NRXN3: variants seen among roughly 807,000 people sequenced by gnomAD.
The protein encoded by NRXN3 is neurexin III.
NRXN3 carries 32 observed loss-of-function variants against 137.6 expected under a neutral mutation model. The observed-to-expected ratio is 0.23, with a 90% CI of 0.18 to 0.31. NRXN3 has a LOEUF of 0.31. NRXN3 is among the 10% of genes least tolerant of loss of function. The pLI is 1.00. For missense variants in NRXN3, 1,574 were observed against 2,062.5 expected, an observed-to-expected ratio of 0.76 and a Z score of 4.59; for synonymous variants, 798 against 784.5, an observed-to-expected ratio of 1.02 and a Z score of -0.29.
At chr14:78,651,477 A>G (rs1410156790) in intron 6 of NRXN3, 151 bp downstream of exon 6, 4 of 907,978 alleles carry the variant, frequency 4.4e-6, no homozygotes, top group Non-Finnish European at 6.6e-6. Context: ...TAGGTGTCCT[A>G]CGTTTTCATT....
chr14:79,688,722 A>G (rs1302843392), intron 17 of NRXN3, among the ~76,000 whole-genome samples: 1 of 152,178 alleles, frequency 6.6e-6, no homozygotes, highest in South Asian at 2.1e-4. Flanking sequence ...TTTCACCTCA[A>G]AGTATTCTGT....
rs74831370 is a variant in NRXN3 at position 79,413,466 on chromosome 14, A to G, written c.3263-53755A>G. On this transcript the variant is annotated intron_variant, in intron 15 of 20. Coordinates refer to ENST00000335750, the MANE Select transcript of NRXN3 (RefSeq NM_001330195.2). The stretch of plus-strand genomic sequence containing the variant: ...TTGGATTCACTGTTGCTTCATACCA[A>G]TGTTGGTGCTGTAAATGTACATGAT... 5.0e-3 allele frequency among the ~76,000 whole-genome samples: 768 copies of G among 152,092 alleles called. 9 individuals carry two copies. The highest frequency in any genetic ancestry group is 0.016 in the African/African-American group (684 of 41,494).
chr14:78,432,970 T>G (rs768946114), intron 4 of NRXN3, among the ~76,000 whole-genome samples: 14 of 152,196 alleles, frequency 9.2e-5, no homozygotes, highest in Non-Finnish European at 1.6e-4. Flanking sequence ...TCAAACTTAG[T>G]GGCTTAAAAC....
intron 15 of NRXN3, among the ~76,000 whole-genome samples, chr14:79,192,801 C>T (rs1203745937): frequency 3.2e-5 from 4 of 126,110 alleles, no homozygotes; most frequent in African/African-American, 8.8e-5. Context: ...GACAGAGTCT[C>T]GCTCTGTCAC....
chr14:78,624,553 C>T (rs1335335672), intron 4 of NRXN3, among the ~76,000 whole-genome samples: 4 of 152,188 alleles, frequency 2.6e-5, no homozygotes, highest in African/African-American at 7.2e-5. Context: ...GGAACATGCT[C>T]CCCTCTGCCA....
At position 78,932,373 on chromosome 14, in the gene NRXN3, G is replaced by A. The variant is rs139560357; in HGVS notation, c.2276-24869G>A. 2.2e-3 allele frequency among the ~76,000 whole-genome samples: 332 copies of A among 152,220 alleles called. 2 individuals are homozygous for A. The highest frequency in any genetic ancestry group is 7.5e-3 in the African/African-American group (312 of 41,540). On this transcript the variant is annotated intron_variant, in intron 10 of 20. Transcript: ENST00000335750. Reference sequence around the variant, plus strand: ...ACTGAGTAAGGAAATAATAGTTTATGGCCTTATATTTTAGTTAGTTTGAGT... The same window carrying A: ...ACTGAGTAAGGAAATAATAGTTTATAGCCTTATATTTTAGTTAGTTTGAGT...
At chr14:79,373,677 G>A (rs2094177870) in intron 15 of NRXN3, among the ~76,000 whole-genome samples, 1 of 152,112 alleles carries the variant, frequency 6.6e-6, no homozygotes, top group Non-Finnish European at 1.5e-5. Flanking sequence ...GGTAATGGAA[G>A]GTTGGAATAA....
chr14:78,419,077 C>A (rs2093307531), intron 4 of NRXN3, among the ~76,000 whole-genome samples: 1 of 152,180 alleles, frequency 6.6e-6, no homozygotes, highest in Non-Finnish European at 1.5e-5. Context: ...CCCTCAGCAC[C>A]ATCTTTGGGG....
At chr14:79,249,942 T>C (rs556398080) in intron 15 of NRXN3, among the ~76,000 whole-genome samples, 1 of 152,338 alleles carries the variant, frequency 6.6e-6, no homozygotes, top group African/African-American at 2.4e-5. Flanking sequence ...ATACCTGTAT[T>C]ATTAATGTTC....
At chr14:78,447,534 A>G (rs1227384166) in intron 4 of NRXN3, among the ~76,000 whole-genome samples, 2 of 152,196 alleles carry the variant, frequency 1.3e-5, no homozygotes, top group Non-Finnish European at 2.9e-5. Context: ...ATGACCAGTG[A>G]GGGGCCAGCC....
chr14:78,959,187 G>C (rs118130484), intron 11 of NRXN3, among the ~76,000 whole-genome samples: 2,712 of 152,256 alleles, frequency 0.018, 42 homozygotes, highest in Middle Eastern at 0.058. Context: ...TGTGGATTAA[G>C]GAAGAGCGTC....
chr14:78,655,740 G>C (rs559715778), intron 6 of NRXN3, among the ~76,000 whole-genome samples: 5 of 152,232 alleles, frequency 3.3e-5, no homozygotes, highest in Admixed American at 6.5e-5. Context: ...GTGGAGTTTA[G>C]ATGAGCAATG....
intron 17 of NRXN3, among the ~76,000 whole-genome samples, chr14:79,664,493 C>T (rs1603390060): frequency 6.6e-6 from 1 of 152,092 alleles, no homozygotes; most frequent in African/African-American, 2.4e-5. Context: ...TCTCACTTAC[C>T]CTAAGCCTGC....
chr14:79,823,882 G>A, intron 20 of NRXN3: 1 of 450,106 alleles, frequency 2.2e-6, no homozygotes, highest in Non-Finnish European at 4.5e-6. Flanking sequence ...GTTCCATAAG[G>A]TCAGTTCTGT....
At chr14:78,414,363 T>G (rs924804280) in intron 4 of NRXN3, among the ~76,000 whole-genome samples, 3 of 152,130 alleles carry the variant, frequency 2.0e-5, no homozygotes, top group African/African-American at 7.2e-5. Context: ...GCAGGGTGGT[T>G]GTTGTGCACA....
chr14:79,777,753 C>T (rs2099101499), intron 19 of NRXN3, among the ~76,000 whole-genome samples: 1 of 151,758 alleles, frequency 6.6e-6, no homozygotes, highest in East Asian at 1.9e-4. Flanking sequence ...GGGGTATCTA[C>T]TCCATTAGTA....
intron 15 of NRXN3, among the ~76,000 whole-genome samples, chr14:79,367,401 T>G (rs1773171621): frequency 6.6e-6 from 1 of 152,210 alleles, no homozygotes; most frequent in Non-Finnish European, 1.5e-5. Flanking sequence ...CTTCACATTT[T>G]ATTAAGTCTA....
At chr14:78,934,193 A>G (rs917535343) in intron 10 of NRXN3, among the ~76,000 whole-genome samples, 2 of 151,896 alleles carry the variant, frequency 1.3e-5, no homozygotes, top group African/African-American at 4.8e-5. Flanking sequence ...CCAAAACCAA[A>G]GCACTGAACT....
intron 4 of NRXN3, among the ~76,000 whole-genome samples, chr14:78,404,920 T>C (rs1344218079): frequency 2.0e-5 from 3 of 152,196 alleles, no homozygotes; most frequent in Non-Finnish European, 2.9e-5. Flanking sequence ...TGCCTGCCTA[T>C]CGTCTGTCTA....
Sources: gnomAD v4.1 joint callset for allele counts (sites outside exome capture counted in the v4.1 genomes callset) on GRCh38, gnomAD v4.1.1 for gene constraint, MANE v1.5 for transcripts, NCBI Gene and HGNC (gene_info 2026-07-23, HGNC 2026-07-21) for gene names.